PCDH15: variants seen among roughly 807,000 people sequenced by gnomAD.
The protein encoded by PCDH15 is protocadherin-15.
Under a neutral mutation model 178.5 loss-of-function variants are expected in PCDH15, and 129 were observed. That is an observed-to-expected ratio of 0.72 (90% CI 0.63 to 0.84). The LOEUF (loss-of-function observed/expected upper bound fraction) is 0.84, where lower values mean the gene tolerates loss of function less well. Among genes scored for constraint, PCDH15 ranks in the 40% least tolerant of loss-of-function variants. The pLI is 0.00. For missense variants in PCDH15, 2,230 were observed against 2,099.9 expected (o/e 1.06, Z -1.21); for synonymous variants, 800 against 732.0 (o/e 1.09, Z -1.50).
At chr10:53,859,315 T>C (rs77974287) in intron 27 of PCDH15, among the ~76,000 whole-genome samples, 3,882 of 152,158 alleles carry the variant, frequency 0.026, 155 homozygotes, top group African/African-American at 0.088. Flanking sequence ...TCCTGGACCA[T>C]GATGTGGGTT....
chr10:54,975,078 C>A (rs1342661465), intron 2 of PCDH15, among the ~76,000 whole-genome samples: 2 of 152,156 alleles, frequency 1.3e-5, no homozygotes, highest in African/African-American at 4.8e-5. Context: ...CAGTGAACAC[C>A]TTGAGCACTT....
At position 54,378,802 on chromosome 10, in the gene PCDH15, C is replaced by T. The variant is rs140716525; in HGVS notation, c.298G>A (p.Gly100Arg). Residue 100 changes from glycine (G) to arginine (R), a missense_variant, in exon 4 of 38, where the codon GGA (glycine) becomes AGA (arginine). Gly to Arg is a moderately radical substitution (Grantham distance 125, BLOSUM62 -2). Transcript: ENST00000644397. ...VKQMLFLNST[G>R]RVLDRDPPMN... The stretch of plus-strand genomic sequence containing the variant: ...CTAACATCTCTATCCAGAACTCTTC[C>T]GGTGCTGTTCAGGAAAAGCATTTGC... 154 of 1,613,720 alleles carry T rather than the reference C, an allele frequency of 9.5e-5. No homozygotes were observed. The highest frequency in any genetic ancestry group is 7.4e-4 in the East Asian group (33 of 44,846).
chr10:54,643,054 C>T (rs193183682), intron 2 of PCDH15, among the ~76,000 whole-genome samples: 1 of 152,182 alleles, frequency 6.6e-6, no homozygotes, highest in African/African-American at 2.4e-5. Flanking sequence ...TCCCGAGTAG[C>T]TGGGATTACA....
chr10:54,154,113 C>T (rs1039796557), intron 13 of PCDH15, among the ~76,000 whole-genome samples: 2 of 152,076 alleles, frequency 1.3e-5, no homozygotes, highest in Non-Finnish European at 2.9e-5. Context: ...TTAACTTCAT[C>T]AAGCAACATT....
intron 2 of PCDH15, among the ~76,000 whole-genome samples, chr10:55,025,824 C>T (rs1441052404): frequency 6.6e-6 from 1 of 151,838 alleles, no homozygotes; most frequent in Non-Finnish European, 1.5e-5. Flanking sequence ...ATGCTTTCTA[C>T]AACATAAAAC....
At chr10:55,358,573 T>C (rs1473929681) in intron 2 of PCDH15, among the ~76,000 whole-genome samples, 1 of 152,114 alleles carries the variant, frequency 6.6e-6, no homozygotes, top group East Asian at 1.9e-4. Context: ...TGTAATAATA[T>C]AATAGTTGCC....
intron 8 of PCDH15, among the ~76,000 whole-genome samples, chr10:54,277,973 C>A (rs1180959832): frequency 6.6e-6 from 1 of 151,480 alleles, no homozygotes; most frequent in Non-Finnish European, 1.5e-5. Context: ...TAGCACCCAA[C>A]TAGAGATATC....
intron 3 of PCDH15, among the ~76,000 whole-genome samples, chr10:54,806,827 T>A (rs1396732961): frequency 2.6e-5 from 4 of 152,164 alleles, no homozygotes; most frequent in African/African-American, 7.2e-5. Context: ...TGAAGCTTGC[T>A]TCAGGCATTA....
At chr10:55,058,491 G>A (rs1365408222) in intron 2 of PCDH15, among the ~76,000 whole-genome samples, 3 of 152,082 alleles carry the variant, frequency 2.0e-5, no homozygotes, top group Admixed American at 2.0e-4. Context: ...TTACAGGCTT[G>A]AGCCACCATA....
At chr10:55,441,067 G>A (rs1007476512) in intron 2 of PCDH15, among the ~76,000 whole-genome samples, 2 of 152,150 alleles carry the variant, frequency 1.3e-5, no homozygotes, top group African/African-American at 4.8e-5. Context: ...TGGGGACACA[G>A]CCAAACCATA....
At chr10:53,960,768 C>T (rs1021472819) in intron 22 of PCDH15, among the ~76,000 whole-genome samples, 1 of 152,176 alleles carries the variant, frequency 6.6e-6, no homozygotes, top group Non-Finnish European at 1.5e-5. Context: ...CTGTTCCAAA[C>T]AGCGGTAAAA....
At chr10:54,864,493 A>G (rs1953901027) in intron 3 of PCDH15, among the ~76,000 whole-genome samples, 1 of 152,222 alleles carries the variant, frequency 6.6e-6, no homozygotes, top group East Asian at 1.9e-4. Flanking sequence ...ACTTATATCA[A>G]GGATAGATGT....
intron 1 of PCDH15, among the ~76,000 whole-genome samples, chr10:54,770,566 A>T (rs1948980366): frequency 1.3e-5 from 2 of 152,096 alleles, no homozygotes; most frequent in East Asian, 3.9e-4. Context: ...GACATTTAGG[A>T]TATGTACCTG....
At chr10:54,962,612 G>T (rs955680675) in intron 2 of PCDH15, among the ~76,000 whole-genome samples, 2 of 152,166 alleles carry the variant, frequency 1.3e-5, no homozygotes, top group African/African-American at 4.8e-5. Flanking sequence ...GGAGCTACTT[G>T]CTGTACATTG....
At chr10:53,937,465 A>G (rs1458898879) in intron 25 of PCDH15, among the ~76,000 whole-genome samples, 1 of 152,214 alleles carries the variant, frequency 6.6e-6, no homozygotes, top group Non-Finnish European at 1.5e-5. Flanking sequence ...CTATATTTTT[A>G]AAAACATAAT....
At chr10:55,385,827 G>A (rs570158760) in intron 2 of PCDH15, among the ~76,000 whole-genome samples, 8 of 147,278 alleles carry the variant, frequency 5.4e-5, no homozygotes, top group South Asian at 4.2e-4. Context: ...ATATATATAC[G>A]TATATATACG....
At chr10:54,416,564 T>C (rs182523353) in intron 3 of PCDH15, among the ~76,000 whole-genome samples, 1 of 152,204 alleles carries the variant, frequency 6.6e-6, no homozygotes, top group Non-Finnish European at 1.5e-5. Context: ...TTTGCTATTG[T>C]AAATAGTGCT....
chr10:54,512,742 TAATG>T (rs765357982), intron 3 of PCDH15, among the ~76,000 whole-genome samples: 2 of 152,146 alleles, frequency 1.3e-5, no homozygotes, highest in Non-Finnish European at 2.9e-5. Context: ...AGCAAATTAT[TAATG>T]AAAGTATAAT....
chr10:54,979,780 T>G (rs1839179792), intron 2 of PCDH15, among the ~76,000 whole-genome samples: 1 of 148,024 alleles, frequency 6.8e-6, no homozygotes, highest in Admixed American at 6.7e-5. Context: ...AAGAACAAAA[T>G]CTTTTATGGC....
Sources: gnomAD v4.1 joint callset for allele counts (sites outside exome capture counted in the v4.1 genomes callset) on GRCh38, gnomAD v4.1.1 for gene constraint, MANE v1.5 for transcripts, NCBI Gene and HGNC (gene_info 2026-07-23, HGNC 2026-07-21) for gene names.